Variants in KCNH7 observed in about 807,000 individuals in gnomAD.
KCNH7 encodes voltage-gated inwardly rectifying potassium channel KCNH7.
A neutral mutation model predicts 120.8 loss-of-function variants in KCNH7; 49 were observed. That is an observed-to-expected ratio of 0.41 (90% CI 0.32 to 0.51). The LOEUF (loss-of-function observed/expected upper bound fraction) is 0.51. Ranked by LOEUF, KCNH7 falls within the 20% of genes least tolerant of loss-of-function variation. KCNH7 has a pLI of 0.38. For missense variants in KCNH7, 1,097 were observed against 1,446.6 expected (o/e 0.76, Z 3.92); for synonymous variants, 547 against 516.1 (o/e 1.06, Z -0.81).
chr2:162,499,593 T>A (rs1217525951), intron 6 of KCNH7, among the ~76,000 whole-genome samples: 1 of 152,156 alleles, frequency 6.6e-6, no homozygotes, highest in Non-Finnish European at 1.5e-5. Context: ...AAAAGAGGAC[T>A]ATGGATCCAA....
At chr2:162,411,253 T>C (rs1687383617) in intron 9 of KCNH7, among the ~76,000 whole-genome samples, 1 of 152,046 alleles carries the variant, frequency 6.6e-6, no homozygotes, top group African/African-American at 2.4e-5. Flanking sequence ...GTGGCACATA[T>C]ATGCAATGGA....
intron 8 of KCNH7, among the ~76,000 whole-genome samples, chr2:162,425,137 C>G (rs149892919): frequency 4.1e-4 from 62 of 152,178 alleles, no homozygotes; most frequent in Non-Finnish European, 6.6e-4. Context: ...TTTGGACTTG[C>G]GCTCCGACTC....
At chr2:162,573,072 C>T (rs1030680958) in intron 2 of KCNH7, among the ~76,000 whole-genome samples, 3 of 151,828 alleles carry the variant, frequency 2.0e-5, no homozygotes, top group African/African-American at 7.2e-5. Flanking sequence ...AAAAAAAGGT[C>T]ATGAAATTAC....
intron 6 of KCNH7, among the ~76,000 whole-genome samples, chr2:162,472,032 C>T (rs1370523651): frequency 6.6e-6 from 1 of 152,140 alleles, no homozygotes; most frequent in Non-Finnish European, 1.5e-5. Flanking sequence ...ACTGGCTAGC[C>T]ATATGTAGAA....
intron 8 of KCNH7, among the ~76,000 whole-genome samples, chr2:162,427,701 T>C (rs1687912567): frequency 1.3e-5 from 2 of 151,954 alleles, no homozygotes; most frequent in Non-Finnish European, 2.9e-5. Flanking sequence ...TTAATTTTGA[T>C]GAAATCCAAT....
At chr2:162,550,841 T>C (rs1692644263) in intron 2 of KCNH7, among the ~76,000 whole-genome samples, 1 of 151,576 alleles carries the variant, frequency 6.6e-6, no homozygotes, top group African/African-American at 2.4e-5. Context: ...ATAATGAAAA[T>C]GAGCTGAATA....
intron 2 of KCNH7, among the ~76,000 whole-genome samples, chr2:162,659,670 A>G (rs906122671): frequency 6.6e-6 from 1 of 152,116 alleles, no homozygotes; most frequent in Non-Finnish European, 1.5e-5. Context: ...CTTTTCATAC[A>G]TTGTTGAATT....
intron 2 of KCNH7, among the ~76,000 whole-genome samples, chr2:162,724,771 T>A (rs2105380370): frequency 6.6e-6 from 1 of 152,222 alleles, no homozygotes; most frequent in Non-Finnish European, 1.5e-5. Flanking sequence ...TACCCACCTA[T>A]TTTCAAACCA....
chr2:162,651,522 C>A (rs1228393953), intron 2 of KCNH7, among the ~76,000 whole-genome samples: 3 of 151,984 alleles, frequency 2.0e-5, no homozygotes, highest in Non-Finnish European at 4.4e-5. Context: ...GCTCCATCTG[C>A]AAAATACACA....
chr2:162,391,973 GA>G (rs1686758337), intron 12 of KCNH7, among the ~76,000 whole-genome samples: 1 of 151,970 alleles, frequency 6.6e-6, no homozygotes, highest in Non-Finnish European at 1.5e-5. Context: ...AACTATCTAT[GA>G]GTAGTCTATT....
intron 6 of KCNH7, among the ~76,000 whole-genome samples, chr2:162,489,127 G>C (rs1690203751): frequency 6.6e-6 from 1 of 152,118 alleles, no homozygotes; most frequent in Admixed American, 6.5e-5. Context: ...AAACTAATTT[G>C]CTGCTTAATT....
chr2:162,599,998 AT>A (rs1298361930), intron 2 of KCNH7, among the ~76,000 whole-genome samples: 2 of 151,982 alleles, frequency 1.3e-5, no homozygotes, highest in Admixed American at 6.6e-5. Flanking sequence ...ACTCAATTTC[AT>A]TTGTTTGTAA....
intron 2 of KCNH7, among the ~76,000 whole-genome samples, chr2:162,824,103 A>G (rs1347167200): frequency 6.6e-6 from 1 of 152,188 alleles, no homozygotes; most frequent in African/African-American, 2.4e-5. Context: ...ATATTTTCAA[A>G]AAGTTTAGAT....
At chr2:162,458,290 T>C (rs1689038727) in intron 6 of KCNH7, among the ~76,000 whole-genome samples, 1 of 152,158 alleles carries the variant, frequency 6.6e-6, no homozygotes, top group Non-Finnish European at 1.5e-5. Context: ...GAGAAATAGG[T>C]TGAATATCTT....
At chr2:162,632,029 T>C (rs896779936) in intron 2 of KCNH7, among the ~76,000 whole-genome samples, 1 of 151,836 alleles carries the variant, frequency 6.6e-6, no homozygotes, top group African/African-American at 2.4e-5. Context: ...TATTCATTTA[T>C]AGAAAAAGGA....
chr2:162,517,224 A>C (rs1236397199), intron 4 of KCNH7, among the ~76,000 whole-genome samples: 1 of 151,648 alleles, frequency 6.6e-6, no homozygotes, highest in Non-Finnish European at 1.5e-5. Flanking sequence ...TTTTCCCTTT[A>C]AATTTTTCCC....
intron 2 of KCNH7, among the ~76,000 whole-genome samples, chr2:162,680,590 C>T (rs997399367): frequency 4.0e-5 from 6 of 151,710 alleles, no homozygotes; most frequent in African/African-American, 1.5e-4. Flanking sequence ...GAACAAGACA[C>T]ATCTGTGTTC....
intron 2 of KCNH7, among the ~76,000 whole-genome samples, chr2:162,578,647 C>A (rs1190141316): frequency 6.6e-6 from 1 of 152,022 alleles, no homozygotes; most frequent in Admixed American, 6.6e-5. Flanking sequence ...TTTAGTGTTT[C>A]GCCCTGGGCT....
At chr2:162,582,105 G>A (rs541830086) in intron 2 of KCNH7, among the ~76,000 whole-genome samples, 2 of 152,162 alleles carry the variant, frequency 1.3e-5, no homozygotes, top group Admixed American at 6.5e-5. Flanking sequence ...ATACTTCCCC[G>A]TGCAGTCTGA....
Sources: allele counts gnomAD v4.1 joint callset (sites outside exome capture counted in the v4.1 genomes callset), GRCh38; gene constraint gnomAD v4.1.1; transcripts MANE v1.5; gene names NCBI Gene and HGNC (gene_info 2026-07-23, HGNC 2026-07-21).